The following STARD5 variants were observed in gnomAD, a reference collection of about 807,000 sequenced individuals.
The protein encoded by STARD5 is stAR-related lipid transfer protein 5.
STARD5 carries 26 observed loss-of-function variants against 24.6 expected under a neutral mutation model. The ratio of observed to expected loss-of-function variants is 1.06; its 90% CI spans 0.77 to 1.47. The LOEUF (loss-of-function observed/expected upper bound fraction) is 1.47, where lower values mean the gene tolerates loss of function less well. Among genes scored for constraint, STARD5 ranks in the 40% most tolerant of loss-of-function variants. The pLI is 0.00. For synonymous variants in STARD5, 101 were observed against 99.7 expected, an observed-to-expected ratio of 1.01 and a Z score of -0.07; for missense variants, 254 against 270.8, an observed-to-expected ratio of 0.94 and a Z score of 0.44.
At chr15:81,318,333 C>A in intron 5 of STARD5, 76 bp downstream of exon 5, 1 of 1,245,724 alleles carries the variant, frequency 8.0e-7, no homozygotes, top group Non-Finnish European at 1.2e-6. Context: ...TCAAAGTGCC[C>A]CTTTTCACAG....
chr15:81,317,393 C>T (rs1480679118), intron 5 of STARD5, among the ~76,000 whole-genome samples: 1 of 152,134 alleles, frequency 6.6e-6, no homozygotes, highest in Non-Finnish European at 1.5e-5. Context: ...TAGCATCTGA[C>T]TACCAGGTGG....
chr15:81,313,271 C>A lies in STARD5; in HGVS notation c.627G>T (p.Lys209Asn). ...RFYANLQKAVKQFHE is the reference protein window; with the variant it reads ...RFYANLQKAVNQFHE The stretch of plus-strand genomic sequence containing the variant: ...AACGATAGCATTACTCATGGAATTG[C>A]TTCACTGCTTTCTGAAGGTTGGCAT... The change falls in exon 6 of 6, where the codon AAG (lysine) becomes AAT (asparagine). Residue 209 changes from lysine (K) to asparagine (N), a missense_variant. By Grantham distance (94) the Lys-to-Asn change is moderately conservative. Transcript: ENST00000302824. The A allele has an allele frequency of 6.4e-7, 1 of 1,573,560 alleles. No homozygotes were observed. The highest frequency in any genetic ancestry group is 8.6e-7 in the Non-Finnish European group (1 of 1,160,146).
intron 3 of STARD5, among the ~76,000 whole-genome samples, chr15:81,321,141 G>A (rs111244722): frequency 6.6e-6 from 1 of 152,098 alleles, no homozygotes; most frequent in Admixed American, 6.5e-5. Context: ...GTTGTCTATT[G>A]AAAAGTTTGT....
At position 81,310,431 on chromosome 15, in the gene STARD5, C is replaced by T. The variant is rs557468689; in HGVS notation, c.*2825G>A. On this transcript the variant is annotated 3_prime_UTR_variant, in exon 6 of 6. Coordinates refer to ENST00000302824, the MANE Select transcript of STARD5 (RefSeq NM_181900.3). ...ATAATGGGCTTAGAGCAGTTTCTGT[C>T]CTGCTGGTTAACTTGTTTGGCCTAT... 6.6e-6 allele frequency: 1 copy of T among 152,172 alleles called. No individual in the cohort carries two copies. Among genetic ancestry groups the T allele is most frequent in the East Asian group, 1.9e-4 (1 of 5,180 alleles). The allele number at this position is 152,172 out of a possible 1,614,324, so 9.4% of individuals were successfully genotyped here.
In STARD5 at chr15:81,322,660, G is replaced by A. The variant is rs890695951; in HGVS notation, c.150-120C>T. On this transcript the variant is annotated intron_variant, in intron 2 of 5. Coordinates refer to ENST00000302824, the MANE Select transcript of STARD5 (RefSeq NM_181900.3). ...TGTCACTACTCTTTAGGACAGACTT[G>A]CAGAGAAGGGGCTGAAAGTCACTAG... The A allele has an allele frequency of 2.7e-6, 4 of 1,500,510 alleles. No homozygotes were observed. The African/African-American group carries it at 5.5e-5, about 21-fold the overall frequency. 92.9% of individuals were successfully genotyped at this position (1,500,510 alleles called of 1,614,324 possible).
At chr15:81,313,547 G>GA in intron 5 of STARD5, 144 bp from the exon 6 acceptor site, 1 of 722,884 alleles carries the variant, frequency 1.4e-6, no homozygotes, top group African/African-American at 1.8e-5. Flanking sequence ...CCTCCACCCA[G>GA]GAGTCCTCTC....
In STARD5 at chr15:81,324,074, A is replaced by C; in HGVS notation, c.26T>G (p.Met9Arg). Residue 9 changes from methionine to arginine, a missense_variant, in exon 1 of 6, where the codon ATG becomes AGG. Transcript: ENST00000302824. ...CATCTTCTCGGCCACAGCCTCGCTC[A>C]TCTGGGCTGCCAGCGCCGGGTCCAT... MDPALAAQ[M>R]SEAVAEKMLQ... 1.3e-6 allele frequency: 2 copies of C among 1,542,446 alleles called. No individual in the cohort carries two copies. Among genetic ancestry groups the C allele is most frequent in the Non-Finnish European group, 1.8e-6 (2 of 1,136,412 alleles).
In STARD5 at chr15:81,322,514, C is replaced by G; in HGVS notation, c.176G>C (p.Gly59Ala). 2 of 1,614,158 alleles carry G rather than the reference C, an allele frequency of 1.2e-6. No individual in the cohort carries two copies. Among genetic ancestry groups the G allele is most frequent in the Non-Finnish European group, 1.7e-6 (2 of 1,180,022 alleles). The change falls in exon 3 of 6, where the codon GGG (glycine) becomes GCG (alanine). Residue 59 changes from glycine to alanine, a missense_variant. Gly to Ala is a moderately conservative substitution (Grantham distance 60, BLOSUM62 0). Transcript: ENST00000302824. ...NLYRGEGIVY[G>A]TLEEVWDCVK... Reference sequence around the variant, plus strand: ...ACAGTCCCACACCTCCTCTAGTGTCCCATATACAATGCCTTCTCCTCGGTA... The same window carrying G: ...ACAGTCCCACACCTCCTCTAGTGTCGCATATACAATGCCTTCTCCTCGGTA...
In STARD5 at chr15:81,322,898, C is replaced by G; in HGVS notation, c.149+1G>C. On this transcript the variant is annotated splice_donor_variant, in intron 2 of 5. Transcript: ENST00000302824. LOFTEE classifies it high-confidence loss of function. ...AATCTTTGAACGAGGCATGCACTTACAGGTTCCCTGGAAACTCCACAGATG... is the reference window on the plus strand; with the variant it reads ...AATCTTTGAACGAGGCATGCACTTAGAGGTTCCCTGGAAACTCCACAGATG... 1.9e-6 allele frequency: 3 copies of G among 1,614,166 alleles called. No individual in the cohort carries two copies. The highest frequency in any genetic ancestry group is 1.1e-5 in the South Asian group (1 of 91,084).
rs1900801813 is a variant in STARD5, at chr15:81,310,638, G to A, written c.*2618C>T. ...AGGCTGGGCAAGGAGGCCACGTGAT[G>A]TGGAGGGCACATTCCTTGCCTGCAC... On this transcript the variant is annotated 3_prime_UTR_variant, in exon 6 of 6. Coordinates refer to ENST00000302824, the MANE Select transcript of STARD5 (RefSeq NM_181900.3). 1 of 152,238 alleles carries A rather than the reference G, an allele frequency of 6.6e-6. No homozygotes were observed. The highest frequency in any genetic ancestry group is 2.1e-4 in the South Asian group (1 of 4,836). The allele number at this position is 152,238 out of a possible 1,614,324, so 9.4% of individuals were successfully genotyped here.
At position 81,322,411 on chromosome 15, in the gene STARD5, A is replaced by C. The variant is rs769374786; in HGVS notation, c.279T>G (p.Thr93=). Residue 93 remains threonine (T), a synonymous_variant, in exon 3 of 6, where the codon ACT becomes ACG. Transcript: ENST00000302824. ...TAACATGCTTGGAAAGACTTACGTC[A>C]GTGATGCTTTGGATAATTTCAAAAC... is the stretch of plus-strand genomic sequence containing the variant. ...VTGFEIIQSI[T]DTLCVSRTST... 1.2e-6 allele frequency: 2 copies of C among 1,614,240 alleles called. No homozygotes were observed. Among genetic ancestry groups the C allele is most frequent in the Middle Eastern group, 1.6e-4 (1 of 6,062 alleles).
intron 5 of STARD5, 56 bp downstream of exon 5, chr15:81,318,353 A>G: frequency 6.8e-7 from 1 of 1,470,604 alleles, no homozygotes; most frequent in South Asian, 1.1e-5. Context: ...GAAGGTCCAC[A>G]GGGAAGTCAC....
At chr15:81,322,796 C>G (rs1893315255) in intron 2 of STARD5, 103 bp downstream of exon 2, 10 of 1,470,124 alleles carry the variant, frequency 6.8e-6, no homozygotes, top group Non-Finnish European at 8.5e-6. Flanking sequence ...GACAAGTGAT[C>G]ACAGGTTATA....
intron 2 of STARD5, 179 bp downstream of exon 2, chr15:81,322,720 T>C: frequency 7.8e-7 from 1 of 1,289,556 alleles, no homozygotes; most frequent in Non-Finnish European, 1.1e-6. Context: ...AAATGGACAG[T>C]AAGCTTTCAC....
In STARD5 at chr15:81,322,887, G is replaced by C; in HGVS notation, c.149+12C>G. 6.2e-7 allele frequency: 1 copy of C among 1,614,170 alleles called. No individual in the cohort carries two copies. The highest frequency in any genetic ancestry group is 8.5e-7 in the Non-Finnish European group (1 of 1,180,030). On this transcript the variant is annotated intron_variant, in intron 2 of 5. Coordinates refer to ENST00000302824, the MANE Select transcript of STARD5 (RefSeq NM_181900.3). ...GCACCTCTGGTAATCTTTGAACGAG[G>C]CATGCACTTACAGGTTCCCTGGAAA...
chr15:81,316,390 G>A (rs1901083750), intron 5 of STARD5, among the ~76,000 whole-genome samples: 1 of 152,192 alleles, frequency 6.6e-6, no homozygotes, highest in African/African-American at 2.4e-5. Flanking sequence ...CACTCTAGCT[G>A]TTTTGAGACA....
At chr15:81,317,718 C>T (rs1181714563) in intron 5 of STARD5, among the ~76,000 whole-genome samples, 1 of 152,056 alleles carries the variant, frequency 6.6e-6, no homozygotes, top group African/African-American at 2.4e-5. Flanking sequence ...GCAGGGAACA[C>T]CGGGACACAC....
chr15:81,322,853 A>G (rs1199740055), intron 2 of STARD5, 46 bp downstream of exon 2: 2 of 1,611,234 alleles, frequency 1.2e-6, no homozygotes, highest in African/African-American at 2.7e-5. Context: ...AGATACCAGG[A>G]AGGGTGCGGC....
Position 81,318,476 on chromosome 15 carries a change from G to A in STARD5, c.427C>T (p.Pro143Ser). 2.5e-6 allele frequency: 4 copies of A among 1,613,956 alleles called. No individual in the cohort carries two copies. The highest frequency in any genetic ancestry group is 3.4e-6 in the Non-Finnish European group (4 of 1,179,990). The change falls in exon 5 of 6, where the codon CCC becomes TCC. Residue 143 changes from proline (P) to serine (S), a missense_variant. Pro to Ser is a moderately conservative substitution (Grantham distance 74). Transcript: ENST00000302824. ...CCTCTCACAAAACCTGGCTTCGGGG[G>A]ACATAACGGATGCTCCACATGGGTG... ...NATHVEHPLC[P>S]PKPGFVRGFN...
Sources: allele counts gnomAD v4.1 joint callset (sites outside exome capture counted in the v4.1 genomes callset), GRCh38; gene constraint gnomAD v4.1.1; transcripts MANE v1.5; gene names NCBI Gene and HGNC (gene_info 2026-07-23, HGNC 2026-07-21).